Variants in DNAJC5B observed in about 807,000 individuals in gnomAD.
The protein encoded by DNAJC5B is dnaJ homolog subfamily C member 5B.
A neutral mutation model predicts 24.7 loss-of-function variants in DNAJC5B; 23 were observed. The ratio of observed to expected loss-of-function variants is 0.93; its 90% CI spans 0.67 to 1.32. DNAJC5B has a LOEUF of 1.32. Ranked by LOEUF, DNAJC5B falls within the 40% of genes most tolerant of loss-of-function variation. The pLI is 0.00. For synonymous variants in DNAJC5B, 101 were observed against 90.1 expected (o/e 1.12, Z -0.68); for missense variants, 238 against 240.8 (o/e 0.99, Z 0.08).
chr8:66,041,450 A>C (rs1241067864), intron 1 of DNAJC5B, among the ~76,000 whole-genome samples: 1 of 152,184 alleles, frequency 6.6e-6, no homozygotes, highest in Non-Finnish European at 1.5e-5. Flanking sequence ...ATATGTGGCA[A>C]TTGAAAGAGG....
intron 1 of DNAJC5B, among the ~76,000 whole-genome samples, chr8:66,036,928 C>T (rs550019580): frequency 1.2e-4 from 19 of 152,178 alleles, no homozygotes; most frequent in Non-Finnish European, 2.6e-4. Flanking sequence ...TGCCCTCCCA[C>T]CCAGTCCTGA....
At chr8:66,020,591 ACT>A (rs1491250522), upstream of DNAJC5B, among the ~76,000 whole-genome samples, 6 of 137,420 alleles carry the variant, frequency 4.4e-5, no homozygotes, top group South Asian at 2.4e-4. Flanking sequence ...TGTAATCAAT[ACT>A]CTGTGTGTGT....
chr8:66,053,857 G>A (rs1279652512), intron 3 of DNAJC5B, among the ~76,000 whole-genome samples: 4 of 151,436 alleles, frequency 2.6e-5, no homozygotes, highest in East Asian at 1.9e-4. Context: ...TCTAACTCCC[G>A]ACCTTAGGTG....
intron 5 of DNAJC5B, among the ~76,000 whole-genome samples, chr8:66,095,387 T>C (rs909664946): frequency 1.3e-5 from 2 of 151,292 alleles, no homozygotes; most frequent in Non-Finnish European, 2.9e-5. Flanking sequence ...TTCTTTACAT[T>C]GGTCATTTCT....
rs1240341746 is a variant in DNAJC5B, at chr8:66,100,602, G to C, written c.*571G>C. 1 of 152,034 alleles carries C rather than the reference G, an allele frequency of 6.6e-6. No homozygotes were observed. The highest frequency in any genetic ancestry group is 1.9e-4 in the East Asian group (1 of 5,194). The allele number at this position is 152,034 out of a possible 1,614,324, so 9.4% of individuals were successfully genotyped here. ...AAAAATTGGCATTTACTGAAAACTG[G>C]AAACCAGGAAGAAACAGGTTTTGTG... On this transcript the variant is annotated 3_prime_UTR_variant, in exon 6 of 6. Transcript: ENST00000276570.
At chr8:66,059,579 A>G (rs1034153280) in intron 3 of DNAJC5B, among the ~76,000 whole-genome samples, 56 of 152,304 alleles carry the variant, frequency 3.7e-4, no homozygotes, top group African/African-American at 1.3e-3. Flanking sequence ...CTTTTTCTCT[A>G]CATAACCTCA....
chr8:66,029,300 G>A (rs1008767563), intron 1 of DNAJC5B, among the ~76,000 whole-genome samples: 2 of 152,228 alleles, frequency 1.3e-5, no homozygotes, highest in African/African-American at 4.8e-5. Context: ...TAAAGACTCA[G>A]AGGACAGAGA....
intron 3 of DNAJC5B, among the ~76,000 whole-genome samples, chr8:66,068,957 C>T (rs992984176): frequency 1.3e-5 from 2 of 152,046 alleles, no homozygotes; most frequent in Non-Finnish European, 2.9e-5. Context: ...AAGAAGGTAA[C>T]TGATAACCTA....
At position 66,038,792 on chromosome 8, in the gene DNAJC5B, T is replaced by G. The variant is rs543491972; in HGVS notation, c.-141-4696T>G. On this transcript the variant is annotated intron_variant, in intron 1 of 5. Coordinates refer to ENST00000276570, the MANE Select transcript of DNAJC5B (RefSeq NM_033105.6). ...TTATGTTTTGTCAAACAAATACATC[T>G]GTTTGACCTGAAGCCTCCTTGGTTT... is the stretch of plus-strand genomic sequence containing the variant. Among the ~76,000 whole-genome samples, 5 of 152,340 alleles carry G rather than the reference T, an allele frequency of 3.3e-5. No individual in the cohort carries two copies. In the South Asian group the frequency reaches 1.0e-3, roughly 32 times the overall value.
In DNAJC5B at chr8:66,071,404, A is replaced by G. The variant is rs921848147; in HGVS notation, c.120-5256A>G. ...AAGTGGGCAAAGGTTATGAACAGAC[A>G]CTTCTCAAAAGAAGACATTTATGCA... On this transcript the variant is annotated intron_variant, in intron 3 of 5. Transcript: ENST00000276570. Among the ~76,000 whole-genome samples the G allele has an allele frequency of 2.0e-5, 3 of 152,236 alleles. No homozygotes were observed. The South Asian group carries it at 6.2e-4, about 31-fold the overall frequency.
chr8:66,057,932 G>A (rs778354045), intron 3 of DNAJC5B: 9 of 152,202 alleles, frequency 5.9e-5, no homozygotes, highest in East Asian at 5.8e-4. Context: ...GAAGTTCTTC[G>A]AAAGAAAGGA....
At chr8:66,047,987 C>T (rs992721011) in intron 2 of DNAJC5B, among the ~76,000 whole-genome samples, 1 of 152,192 alleles carries the variant, frequency 6.6e-6, no homozygotes, top group Non-Finnish European at 1.5e-5. Flanking sequence ...GGGAGAGTTG[C>T]AGAGAAGAGC....
At chr8:66,022,574 G>A (rs899403150) in intron 1 of DNAJC5B, among the ~76,000 whole-genome samples, 1 of 152,170 alleles carries the variant, frequency 6.6e-6, no homozygotes, top group Admixed American at 6.5e-5. Flanking sequence ...ACCCACAGGG[G>A]ACCCCAACAG....
At chr8:66,051,742 C>A in intron 3 of DNAJC5B, 76 bp downstream of exon 3, 2 of 1,129,426 alleles carry the variant, frequency 1.8e-6, no homozygotes, top group Non-Finnish European at 2.6e-6. Flanking sequence ...CCATTAAAGA[C>A]ATAAGCTTCT....
At chr8:66,022,555 A>G (rs1806158883) in intron 1 of DNAJC5B, among the ~76,000 whole-genome samples, 1 of 152,224 alleles carries the variant, frequency 6.6e-6, no homozygotes, top group South Asian at 2.1e-4. Flanking sequence ...TCTGACAGGT[A>G]GGTCAGTTAC....
intron 1 of DNAJC5B, among the ~76,000 whole-genome samples, chr8:66,037,889 C>A (rs1002850525): frequency 3.9e-5 from 6 of 152,152 alleles, no homozygotes; most frequent in Admixed American, 3.9e-4. Flanking sequence ...CCTCCACCAG[C>A]AAGTTGAAAC....
intron 1 of DNAJC5B, among the ~76,000 whole-genome samples, chr8:66,041,747 T>C (rs1019901360): frequency 1.3e-5 from 2 of 152,258 alleles, no homozygotes; most frequent in African/African-American, 2.4e-5. Flanking sequence ...CAAATATCAT[T>C]TGAAACTCAC....
rs1289179304 is a variant in DNAJC5B, at chr8:66,100,884, G to C, written c.*853G>C. ...TATCACCTCATTTTTGTTAAAATTA[G>C]TTGCCTTGACCAGAAATTGCTCAGC... On this transcript the variant is annotated 3_prime_UTR_variant, in exon 6 of 6. Transcript: ENST00000276570. Among the ~76,000 whole-genome samples, 1 of 152,140 alleles carries C rather than the reference G, an allele frequency of 6.6e-6. No homozygotes were observed. The highest frequency in any genetic ancestry group is 2.4e-5 in the African/African-American group (1 of 41,430).
rs530103006 is a variant in DNAJC5B at position 66,074,637 on chromosome 8, T to C, written c.120-2023T>C. 2.6e-5 allele frequency among the ~76,000 whole-genome samples: 4 copies of C among 152,330 alleles called. No individual in the cohort carries two copies. The East Asian group carries it at 5.8e-4, about 22-fold the overall frequency. On this transcript the variant is annotated intron_variant, in intron 3 of 5. Transcript: ENST00000276570. ...ATGTAGAAATGACAACAAATGCCTT[T>C]AACAATGGATAGGTGCCTATTCTAT...
Sources: gnomAD v4.1 joint callset for allele counts (sites outside exome capture counted in the v4.1 genomes callset) on GRCh38, gnomAD v4.1.1 for gene constraint, MANE v1.5 for transcripts, NCBI Gene and HGNC (gene_info 2026-07-23, HGNC 2026-07-21) for gene names.